The following GANC variants were observed in gnomAD, a reference collection of about 807,000 sequenced individuals.
GANC encodes the protein glucosidase alpha, neutral C.
A neutral mutation model predicts 124.2 loss-of-function variants in GANC; 117 were observed. The observed-to-expected ratio is 0.94, with a 90% confidence interval of 0.81 to 1.10. The LOEUF (loss-of-function observed/expected upper bound fraction) is 1.10, where lower values mean the gene tolerates loss of function less well. Ranked by LOEUF, GANC falls within the 50% of genes least tolerant of loss-of-function variation. The pLI, the probability that GANC is intolerant of heterozygous loss-of-function variation, is 0.00. For synonymous variants in GANC, 377 were observed against 376.8 expected (o/e 1.00, Z -0.01); for missense variants, 1,140 against 1,095.0 (o/e 1.04, Z -0.58).
chr15:42,278,404 TTCC>T, intron 2 of GANC, 75 bp from the exon 3 acceptor site: 1 of 946,976 alleles, frequency 1.1e-6, no homozygotes, highest in Non-Finnish European at 1.6e-6. Flanking sequence ...TTTTAATGAC[TTCC>T]ACATGATAAT....
At position 42,273,225 on chromosome 15, in the gene GANC, G is replaced by A. The variant is rs775232794; in HGVS notation, c.-1257G>A. ...CGTAGCCCCACCCCTTGCTCCTCTA[G>A]GTTCAGACGTTAGTGAAGTGAATAC... On this transcript the variant is annotated 5_prime_UTR_variant, in exon 1 of 24. Coordinates refer to ENST00000318010, the MANE Select transcript of GANC (RefSeq NM_198141.3). The A allele has an allele frequency of 8.1e-6, 13 of 1,612,804 alleles. No homozygotes were observed. The highest frequency in any genetic ancestry group is 1.0e-5 in the Non-Finnish European group (12 of 1,179,146).
At chr15:42,314,375 T>C in intron 10 of GANC, 2 of 493,190 alleles carry the variant, frequency 4.1e-6, no homozygotes, top group African/African-American at 2.0e-5. Flanking sequence ...TGACAACTTC[T>C]ACCAGCACCT....
intron 5 of GANC, among the ~76,000 whole-genome samples, chr15:42,295,067 G>A (rs944337370): frequency 1.3e-5 from 2 of 151,530 alleles, no homozygotes; most frequent in Non-Finnish European, 2.9e-5. Context: ...TGCCTCCTGG[G>A]TTCATGCCAT....
At chr15:42,308,097 T>C (rs2052015296) in intron 7 of GANC, 125 bp from the exon 8 acceptor site, 1 of 571,348 alleles carries the variant, frequency 1.8e-6, no homozygotes, top group Non-Finnish European at 3.2e-6. Flanking sequence ...CATTTGCTAA[T>C]TGATCTAGGT....
chr15:42,351,455 C>A (rs1407169344), intron 23 of GANC, 23 bp downstream of exon 23: 1 of 1,510,546 alleles, frequency 6.6e-7, no homozygotes, highest in South Asian at 1.1e-5. Flanking sequence ...TCCATTCTTA[C>A]CTCACCATTT....
chr15:42,276,429 G>GTAAC lies in GANC; in HGVS notation c.92+21_92+22insACTA. The GTAAC allele has an allele frequency of 8.4e-7, 1 of 1,192,338 alleles. No individual in the cohort carries two copies. Among genetic ancestry groups the GTAAC allele is most frequent in the Non-Finnish European group, 1.2e-6 (1 of 803,060 alleles). 73.9% of individuals were successfully genotyped at this position (1,192,338 alleles called of 1,614,324 possible). A position where few individuals can be genotyped will look rare whatever the true frequency, so the allele number is the denominator to read the frequency against. On this transcript the variant is annotated intron_variant, in intron 2 of 23. Coordinates refer to ENST00000318010, the MANE Select transcript of GANC (RefSeq NM_198141.3). ...TTTACAGGTAAGGAAAATAAATATAGTAGCTAGATCAAAACATCTCTGACA... is the reference window on the plus strand; with the variant it reads ...TTTACAGGTAAGGAAAATAAATATAGTAACTAGCTAGATCAAAACATCTCTGACA...
rs1486987430 is a variant in GANC at position 42,326,429 on chromosome 15, G to T, written c.1420+5G>T. 2 of 1,613,672 alleles carry T rather than the reference G, an allele frequency of 1.2e-6. No individual in the cohort carries two copies. Among genetic ancestry groups the T allele is most frequent in the African/African-American group, 2.7e-5 (2 of 74,910 alleles). On this transcript the variant is annotated splice_donor_5th_base_variant and intron_variant, in intron 12 of 23. Coordinates refer to ENST00000318010, the MANE Select transcript of GANC (RefSeq NM_198141.3). The stretch of plus-strand genomic sequence containing the variant: ...TTGAAGGGGTGTGTTGGCCAGGTAT[G>T]AAATCACTTTATACACTTATTATTT...
chr15:42,277,511 CAA>C (rs1400356885), intron 2 of GANC, among the ~76,000 whole-genome samples: 2 of 148,720 alleles, frequency 1.3e-5, no homozygotes, highest in African/African-American at 5.0e-5. Context: ...GCCTGGGCAA[CAA>C]GAGTGAAACT....
Position 42,289,387 on chromosome 15 carries a change from C to T in GANC, c.329+1569C>T, listed in dbSNP as rs1464025630. Reference sequence around the variant, plus strand: ...GTCATAGTGACTTCTGATAACTCAACTTCCTGATTCTAGCTAAGATAGAAG... The same window carrying T: ...GTCATAGTGACTTCTGATAACTCAATTTCCTGATTCTAGCTAAGATAGAAG... On this transcript the variant is annotated intron_variant, in intron 4 of 23. Transcript: ENST00000318010. Among the ~76,000 whole-genome samples the T allele has an allele frequency of 3.9e-5, 6 of 152,186 alleles. No homozygotes were observed. In the East Asian group the frequency reaches 9.6e-4, roughly 24 times the overall value.
intron 7 of GANC, among the ~76,000 whole-genome samples, chr15:42,307,935 A>C (rs2052013999): frequency 6.6e-6 from 1 of 152,250 alleles, no homozygotes; most frequent in African/African-American, 2.4e-5. Flanking sequence ...ATGATGTTTT[A>C]TATAGAGACG....
Position 42,296,934 on chromosome 15 carries a change from G to A in GANC, c.513-677G>A, listed in dbSNP as rs77912629. 6.2e-4 allele frequency among the ~76,000 whole-genome samples: 91 copies of A among 147,050 alleles called. No individual in the cohort carries two copies. In the East Asian group the frequency reaches 0.013, roughly 22 times the overall value. ...TTAGCCTACATCATTCATGCTCTTA[G>A]AAATACAAACTGAAATGCATTTATT... On this transcript the variant is annotated intron_variant, in intron 5 of 23. Transcript: ENST00000318010.
At chr15:42,311,269 T>TA (rs2052047119) in intron 10 of GANC, among the ~76,000 whole-genome samples, 1 of 152,180 alleles carries the variant, frequency 6.6e-6, no homozygotes, top group African/African-American at 2.4e-5. Context: ...TCACCACTAT[T>TA]ATTCAACATT....
chr15:42,297,148 A>G (rs1442572891), intron 5 of GANC, among the ~76,000 whole-genome samples: 1 of 152,120 alleles, frequency 6.6e-6, no homozygotes, highest in Admixed American at 6.6e-5. Context: ...GTAGGGAGCT[A>G]TGTTCTACCT....
At position 42,274,753 on chromosome 15, in the gene GANC, A is replaced by G. The variant is rs563553430; in HGVS notation, c.29+243A>G. Among the ~76,000 whole-genome samples the G allele has an allele frequency of 3.3e-5, 5 of 152,036 alleles. No homozygotes were observed. In the East Asian group the frequency reaches 9.7e-4, roughly 29 times the overall value. On this transcript the variant is annotated intron_variant, in intron 1 of 23. Transcript: ENST00000318010. The stretch of plus-strand genomic sequence containing the variant: ...CACTTTGGGAGGCTAAGGTGGGAGG[A>G]TCGCTTGAGTTCAGGAGTTCGAGAC...
At chr15:42,296,843 CTTTTTCCTTTTTTTTT>C (rs927477683) in intron 5 of GANC, among the ~76,000 whole-genome samples, 7 of 142,290 alleles carry the variant, frequency 4.9e-5, no homozygotes, top group Non-Finnish European at 1.1e-4. Flanking sequence ...TATTTTTTTT[CTTTTTCCTTTTTTTTT>C]TTTTTTGGAA....
intron 8 of GANC, among the ~76,000 whole-genome samples, chr15:42,309,010 A>C (rs2052025009): frequency 6.6e-6 from 1 of 152,182 alleles, no homozygotes; most frequent in Non-Finnish European, 1.5e-5. Flanking sequence ...CTTTTACCAA[A>C]ATGGGAGAGT....
rs1375754574 is a variant in GANC, at chr15:42,287,702, G to A, written c.213G>A (p.Leu71=). ...GTATCTGTTTCCAGGTTCCTCTCCTGGCTGAAATTTATGGTATAGAAGGAA... is the reference window on the plus strand; with the variant it reads ...GTATCTGTTTCCAGGTTCCTCTCCTAGCTGAAATTTATGGTATAGAAGGAA... ...IINEASKVPL[L]AEIYGIEGNI... is the part of the protein sequence containing the mutation. Residue 71 remains leucine (L), a synonymous_variant, in exon 4 of 24, where the codon CTG becomes CTA. Coordinates refer to ENST00000318010, the MANE Select transcript of GANC (RefSeq NM_198141.3). 1.2e-6 allele frequency: 2 copies of A among 1,611,252 alleles called. No individual in the cohort carries two copies. Among genetic ancestry groups the A allele is most frequent in the Middle Eastern group, 1.7e-4 (1 of 6,044 alleles).
At chr15:42,333,644 G>C (rs2052263208) in intron 15 of GANC, among the ~76,000 whole-genome samples, 1 of 152,098 alleles carries the variant, frequency 6.6e-6, no homozygotes, top group African/African-American at 2.4e-5. Flanking sequence ...TGCATCCATT[G>C]CTTGCTATAC....
chr15:42,325,283 C>CA (rs956771566), intron 11 of GANC, among the ~76,000 whole-genome samples: 52 of 143,502 alleles, frequency 3.6e-4, no homozygotes, highest in East Asian at 2.2e-3. Context: ...AAAAAACAAA[C>CA]AAAAAAAAAA....
Sources: gnomAD v4.1 joint callset for allele counts (sites outside exome capture counted in the v4.1 genomes callset) on GRCh38, gnomAD v4.1.1 for gene constraint, MANE v1.5 for transcripts, NCBI Gene and HGNC (gene_info 2026-07-23, HGNC 2026-07-21) for gene names.